Variants in STPG2 observed in about 807,000 individuals in gnomAD.
STPG2 encodes sperm-tail PG-rich repeat-containing protein 2.
A neutral mutation model predicts 54.2 loss-of-function variants in STPG2; 56 were observed. That is an observed-to-expected ratio of 1.03 (90% confidence interval 0.83 to 1.29). The LOEUF (loss-of-function observed/expected upper bound fraction) is 1.29, where lower values mean the gene tolerates loss of function less well. Ranked by LOEUF, STPG2 falls within the 50% of genes most tolerant of loss-of-function variation. The pLI, the probability that STPG2 is intolerant of heterozygous loss-of-function variation, is 0.00. For missense variants in STPG2, 596 were observed against 544.9 expected, an observed-to-expected ratio of 1.09 and a Z score of -0.93; for synonymous variants, 200 against 181.8, an observed-to-expected ratio of 1.10 and a Z score of -0.81.
Position 97,943,945 on chromosome 4 carries a change from A to AT in STPG2, c.995dup (p.Tyr332Ter). 6.2e-7 allele frequency: 1 copy of AT among 1,600,238 alleles called. No individual in the cohort carries two copies. Among genetic ancestry groups the AT allele is most frequent in the Non-Finnish European group, 8.5e-7 (1 of 1,175,882 alleles). Reference protein sequence around the residue: ...SDELPNLTNKYAAFLSRAKRT... With the variant: ...SDELPNLTNK ...TTTTGGCTCTTGACAAGAAAGCAGCATATTTGTTAGTCAAGTTAGGTAATT... is the reference window on the plus strand; with the variant it reads ...TTTTGGCTCTTGACAAGAAAGCAGCATTATTTGTTAGTCAAGTTAGGTAATT... The change falls in exon 8 of 11, where the codon TAT becomes TAAT. Residue 332 changes from tyrosine (Y) to a stop codon, truncating the protein, a stop_gained and frameshift_variant. Transcript: ENST00000295268. LOFTEE classifies it high-confidence loss of function.
At chr4:97,990,855 G>A (rs1734979374) in intron 5 of STPG2, among the ~76,000 whole-genome samples, 1 of 151,922 alleles carries the variant, frequency 6.6e-6, no homozygotes, top group Admixed American at 6.6e-5. Flanking sequence ...TGGAAAACTG[G>A]GGAAAAAACA....
intron 8 of STPG2, among the ~76,000 whole-genome samples, chr4:97,863,902 T>G (rs988395026): frequency 6.6e-6 from 1 of 152,036 alleles, no homozygotes; most frequent in Admixed American, 6.6e-5. Flanking sequence ...ATTCAGCCCT[T>G]CATGCTAAAA....
At chr4:97,638,122 C>T (rs916685975) in intron 10 of STPG2, among the ~76,000 whole-genome samples, 8 of 152,164 alleles carry the variant, frequency 5.3e-5, no homozygotes, top group Admixed American at 1.3e-4. Flanking sequence ...ACCAAAACAG[C>T]ATGGTACTGG....
At chr4:97,758,682 T>C (rs1355290418) in intron 9 of STPG2, among the ~76,000 whole-genome samples, 2 of 152,088 alleles carry the variant, frequency 1.3e-5, no homozygotes, top group African/African-American at 4.8e-5. Context: ...ATGCAGGGCT[T>C]AAAACCTAGA....
intron 8 of STPG2, among the ~76,000 whole-genome samples, chr4:97,860,032 C>T (rs1729466876): frequency 6.6e-6 from 1 of 152,136 alleles, no homozygotes; most frequent in Non-Finnish European, 1.5e-5. Flanking sequence ...AGATCAGTTG[C>T]CTGAAAGAAT....
At chr4:98,085,613 A>G (rs1304657558) in intron 5 of STPG2, among the ~76,000 whole-genome samples, 1 of 152,056 alleles carries the variant, frequency 6.6e-6, no homozygotes, top group Admixed American at 6.5e-5. Context: ...TCATAATTTG[A>G]TAAATGTATT....
At chr4:98,005,325 A>G (rs1364494982) in intron 5 of STPG2, among the ~76,000 whole-genome samples, 2 of 152,186 alleles carry the variant, frequency 1.3e-5, no homozygotes, top group Admixed American at 1.3e-4. Context: ...ACACCTAGGA[A>G]CAATACTTTG....
chr4:97,616,051 C>CATATAAAT (rs1431610388), intron 10 of STPG2, among the ~76,000 whole-genome samples: 1 of 23,238 alleles, frequency 4.3e-5, no homozygotes, highest in East Asian at 9.0e-4. Flanking sequence ...AAAAAAAATA[C>CATATAAAT]ATATAAATAT....
intron 5 of STPG2, among the ~76,000 whole-genome samples, chr4:97,992,085 A>T (rs1735038060): frequency 7.7e-6 from 1 of 129,410 alleles, no homozygotes; most frequent in Non-Finnish European, 1.8e-5. Context: ...TTTCCCGTGC[A>T]GAAGCTTTTT....
At chr4:97,914,286 T>G (rs941737710) in intron 8 of STPG2, among the ~76,000 whole-genome samples, 1 of 152,132 alleles carries the variant, frequency 6.6e-6, no homozygotes, top group African/African-American at 2.4e-5. Flanking sequence ...TGAAGCCCAA[T>G]TGAAAACATT....
chr4:97,971,078 G>A (rs917834328), intron 7 of STPG2, among the ~76,000 whole-genome samples: 2 of 152,220 alleles, frequency 1.3e-5, no homozygotes, highest in East Asian at 1.9e-4. Flanking sequence ...GGTCATCAGA[G>A]AAATGCAAAT....
chr4:97,667,357 T>C lies in STPG2; in HGVS notation c.1320+45342A>G, dbSNP rs961208341. 2.0e-5 allele frequency among the ~76,000 whole-genome samples: 3 copies of C among 152,170 alleles called. No homozygotes were observed. In the East Asian group the frequency reaches 5.8e-4, roughly 29 times the overall value. ...CTTACTACTTTAAGTACAGATGCAA[T>C]TGCTAACTTTTTTGTATTTTGTGAC... On this transcript the variant is annotated intron_variant, in intron 10 of 10. Coordinates refer to ENST00000295268, the MANE Select transcript of STPG2 (RefSeq NM_174952.3).
intron 9 of STPG2, among the ~76,000 whole-genome samples, chr4:97,725,759 T>C (rs1368891797): frequency 2.0e-5 from 3 of 151,868 alleles, no homozygotes; most frequent in Non-Finnish European, 2.9e-5. Flanking sequence ...TTAAAAAAGA[T>C]AGAATTCTTC....
At chr4:97,775,722 C>T (rs545759392) in intron 9 of STPG2, among the ~76,000 whole-genome samples, 4 of 152,256 alleles carry the variant, frequency 2.6e-5, no homozygotes, top group Non-Finnish European at 4.4e-5. Context: ...GAGGAAGAGA[C>T]TTTAAAATTG....
At chr4:97,679,160 C>G (rs59820670) in intron 10 of STPG2, among the ~76,000 whole-genome samples, 2 of 152,076 alleles carry the variant, frequency 1.3e-5, no homozygotes, top group Admixed American at 6.6e-5. Context: ...ATGTCCGGGT[C>G]AAATGGTATT....
At chr4:98,012,701 T>C (rs1735797399) in intron 5 of STPG2, among the ~76,000 whole-genome samples, 1 of 152,196 alleles carries the variant, frequency 6.6e-6, no homozygotes, top group South Asian at 2.1e-4. Flanking sequence ...TATTTTATTC[T>C]CTTTGTAGCA....
At chr4:97,579,076 C>A (rs907480201) in intron 10 of STPG2, among the ~76,000 whole-genome samples, 21 of 152,066 alleles carry the variant, frequency 1.4e-4, no homozygotes, top group Non-Finnish European at 2.6e-4. Flanking sequence ...CTACAATAAT[C>A]AATCTTTAAA....
intron 5 of STPG2, among the ~76,000 whole-genome samples, chr4:97,988,459 AC>A (rs1234705179): frequency 1.3e-5 from 2 of 152,154 alleles, no homozygotes; most frequent in Non-Finnish European, 2.9e-5. Flanking sequence ...AGTACCTGAA[AC>A]ACAGTAGGGT....
chr4:97,524,504 T>C (rs956832776), intron 4 of STPG2, among the ~76,000 whole-genome samples: 5 of 151,996 alleles, frequency 3.3e-5, no homozygotes, highest in African/African-American at 4.8e-5. Context: ...ATTTCCTTAA[T>C]GTCTTATTGC....
Sources: gnomAD v4.1 joint callset for allele counts (sites outside exome capture counted in the v4.1 genomes callset) on GRCh38, gnomAD v4.1.1 for gene constraint, MANE v1.5 for transcripts, NCBI Gene and HGNC (gene_info 2026-07-23, HGNC 2026-07-21) for gene names.